The following NID1 variants were observed in gnomAD, a reference collection of about 807,000 sequenced individuals.
The protein encoded by NID1 is nidogen 1, also known as nidogen-1.
NID1 carries 76 observed loss-of-function variants against 130.6 expected under a neutral mutation model. The observed-to-expected ratio is 0.58, with a 90% CI of 0.48 to 0.70. The LOEUF is 0.70. NID1 is among the 30% of genes least tolerant of loss of function. NID1 has a pLI of 0.00. For synonymous variants in NID1, 665 were observed against 675.1 expected (o/e 0.98, Z 0.23); for missense variants, 1,517 against 1,664.8 (o/e 0.91, Z 1.54).
intron 12 of NID1, among the ~76,000 whole-genome samples, chr1:236,002,388 AGCTACTC>A (rs1246181043): frequency 6.6e-6 from 1 of 152,180 alleles, no homozygotes; most frequent in East Asian, 1.9e-4. Context: ...CTGTAATCCC[AGCTACTC>A]GGGAGATTGA....
chr1:236,048,156 A>G (rs1447755194), intron 2 of NID1, among the ~76,000 whole-genome samples: 1 of 150,232 alleles, frequency 6.7e-6, no homozygotes, highest in Non-Finnish European at 1.5e-5. Context: ...ACATGGTGAA[A>G]CCCTGTCTCT....
chr1:236,028,451 T>C (rs1429760670), intron 7 of NID1, among the ~76,000 whole-genome samples: 1 of 152,140 alleles, frequency 6.6e-6, no homozygotes, highest in Non-Finnish European at 1.5e-5. Flanking sequence ...GAGGCTGCAG[T>C]GAGCCGAGAC....
Position 235,979,084 on chromosome 1 carries a change from A to C in NID1, c.3533T>G (p.Leu1178Arg). The change falls in exon 19 of 20, where the codon CTT becomes CGT. Residue 1178 changes from leucine (L) to arginine (R), a missense_variant. Coordinates refer to ENST00000264187, the MANE Select transcript of NID1 (RefSeq NM_002508.3). This position sits in a 1 kb window ranked among gnomAD's most constrained non-coding sequence, Gnocchi z 4.6. Reference sequence around the variant, plus strand: ...AGCATCCGTCTCCTTGGAAATTGCAAGATCGAGAGCAACCACGGAATTCCT... The same window carrying C: ...AGCATCCGTCTCCTTGGAAATTGCACGATCGAGAGCAACCACGGAATTCCT... ...WKMNSVVALD[L>R]AISKETDAFQ... 3.7e-6 allele frequency: 6 copies of C among 1,613,884 alleles called. No individual in the cohort carries two copies. Among genetic ancestry groups the C allele is most frequent in the Non-Finnish European group, 5.1e-6 (6 of 1,179,762 alleles).
At chr1:236,047,248 C>T (rs1462717041) in intron 2 of NID1, among the ~76,000 whole-genome samples, 44 of 152,182 alleles carry the variant, frequency 2.9e-4, no homozygotes, top group Non-Finnish European at 1.0e-4. Context: ...ACTAGAAGGC[C>T]TTTTCCTCAA....
chr1:236,059,105 T>A (rs1659973905), intron 1 of NID1, among the ~76,000 whole-genome samples: 1 of 152,226 alleles, frequency 6.6e-6, no homozygotes, highest in Non-Finnish European at 1.5e-5. Context: ...TTAGCTTTAA[T>A]GTCACACAGC....
At chr1:236,055,996 C>T (rs547513838) in intron 1 of NID1, among the ~76,000 whole-genome samples, 13 of 152,246 alleles carry the variant, frequency 8.5e-5, no homozygotes, top group African/African-American at 2.9e-4. Context: ...CACACATTTA[C>T]GGTCAACTAG....
At chr1:236,040,848 AGAGGCAG>A (rs1659431635) in intron 4 of NID1, among the ~76,000 whole-genome samples, 1 of 152,066 alleles carries the variant, frequency 6.6e-6, no homozygotes, top group African/African-American at 2.4e-5. Flanking sequence ...CATTTTTAGT[AGAGGCAG>A]GATTTCACCA....
At chr1:236,042,674 C>G (rs952341033) in intron 3 of NID1, among the ~76,000 whole-genome samples, 3 of 152,228 alleles carry the variant, frequency 2.0e-5, no homozygotes, top group Non-Finnish European at 1.5e-5. Flanking sequence ...CATTCATGCT[C>G]TCCACTATCT....
chr1:236,044,539 C>G (rs1489525267), intron 3 of NID1, among the ~76,000 whole-genome samples: 1 of 152,110 alleles, frequency 6.6e-6, no homozygotes, highest in African/African-American at 2.4e-5. Flanking sequence ...CAGAAACAGG[C>G]AAACGCTATA....
chr1:236,023,090 A>G (rs1309301546), intron 9 of NID1, among the ~76,000 whole-genome samples: 1 of 151,920 alleles, frequency 6.6e-6, no homozygotes, highest in African/African-American at 2.4e-5. Flanking sequence ...TAGAATTACC[A>G]TATGATTCAG....
intron 1 of NID1, among the ~76,000 whole-genome samples, chr1:236,054,781 A>G (rs1659852735): frequency 6.6e-6 from 1 of 151,470 alleles, no homozygotes; most frequent in South Asian, 2.1e-4. Flanking sequence ...AGCTGGGACT[A>G]CAGGTGTGTG....
At chr1:236,043,594 C>CGA (rs1289193981) in intron 3 of NID1, among the ~76,000 whole-genome samples, 2 of 152,030 alleles carry the variant, frequency 1.3e-5, no homozygotes, top group Non-Finnish European at 2.9e-5. Context: ...GTCAGGAGAT[C>CGA]GAGACCATCC....
intron 12 of NID1, among the ~76,000 whole-genome samples, chr1:235,999,952 G>A (rs548190520): frequency 2.6e-4 from 39 of 152,256 alleles, no homozygotes; most frequent in African/African-American, 8.2e-4. Flanking sequence ...TGTGGCTCTC[G>A]CCTGTAATCC....
At chr1:235,983,496 T>C (rs1558420501) in intron 15 of NID1, among the ~76,000 whole-genome samples, 1 of 152,216 alleles carries the variant, frequency 6.6e-6, no homozygotes, top group African/African-American at 2.4e-5. Flanking sequence ...CTGGAGTATA[T>C]TTGGAATGAG....
At chr1:236,028,685 T>TGC (rs143715348) in intron 7 of NID1, among the ~76,000 whole-genome samples, 21,218 of 146,988 alleles carry the variant, frequency 0.14, 2,535 homozygotes, top group East Asian at 0.4. Context: ...ATGGTCAGTA[T>TGC]ACATATATAT....
chr1:236,005,005 T>G (rs1363981405), intron 12 of NID1, among the ~76,000 whole-genome samples: 1 of 151,622 alleles, frequency 6.6e-6, no homozygotes, highest in Non-Finnish European at 1.5e-5. Flanking sequence ...TGAAACCCCA[T>G]CTCTACTAAA....
chr1:236,017,072 T>C (rs1658615280), intron 10 of NID1, 76 bp downstream of exon 10: 4 of 1,597,098 alleles, frequency 2.5e-6, no homozygotes, highest in Admixed American at 3.3e-5. Flanking sequence ...TCATTTTACC[T>C]GGGACCAGAA....
chr1:236,044,927 G>A (rs542103701), intron 3 of NID1, among the ~76,000 whole-genome samples: 2 of 152,196 alleles, frequency 1.3e-5, no homozygotes, highest in East Asian at 1.9e-4. Flanking sequence ...GGCCGGGCGC[G>A]GCACTTCATG....
chr1:235,980,594 T>A lies in NID1; in HGVS notation c.3287A>T (p.Asp1096Val). 4 of 1,614,118 alleles carry A rather than the reference T, an allele frequency of 2.5e-6. No homozygotes were observed. Among genetic ancestry groups the A allele is most frequent in the Non-Finnish European group, 3.4e-6 (4 of 1,180,010 alleles). ...CACAAGGATCCTCCGGTTCGTGCCG[T>A]CCATGTAGGAAGTTTCAATCTTGGG... ...DNPKIETSYM[D>V]GTNRRILVQD... is the part of the protein sequence containing the mutation. The change falls in exon 17 of 20, where the codon GAC (aspartate) becomes GTC (valine). Residue 1096 changes from aspartate to valine, a missense_variant. Physicochemically the swap from Asp to Val is radical, Grantham distance 152. Around this residue, in one of 3 missense-constraint regions of NID1, gnomAD observed 181 missense variants for 211.3 expected, o/e 0.86. Transcript: ENST00000264187.
Sources: allele counts gnomAD v4.1 joint callset (sites outside exome capture counted in the v4.1 genomes callset), GRCh38; gene constraint gnomAD v4.1.1; regional missense constraint gnomAD v4.1.1; non-coding constraint Gnocchi (gnomAD v3.1); transcripts MANE v1.5; gene names NCBI Gene and HGNC (gene_info 2026-07-23, HGNC 2026-07-21).